CDA: variants seen among roughly 807,000 people sequenced by gnomAD.
CDA encodes cytidine aminohydrolase.
A neutral mutation model predicts 15.0 loss-of-function variants in CDA; 7 were observed. That is an observed-to-expected ratio of 0.47 (90% CI 0.26 to 0.87). The LOEUF is 0.87. Ranked by LOEUF, CDA falls within the 40% of genes least tolerant of loss-of-function variation. CDA has a pLI of 0.15. For synonymous variants in CDA, 58 were observed against 73.0 expected (o/e 0.79, Z 1.05); for missense variants, 159 against 182.7 (o/e 0.87, Z 0.75).
At chr1:20,608,857 T>C (rs909304320) in intron 2 of CDA, among the ~76,000 whole-genome samples, 1 of 152,210 alleles carries the variant, frequency 6.6e-6, no homozygotes, top group African/African-American at 2.4e-5. Flanking sequence ...TCACCTTTCA[T>C]GATCTACAGC....
intron 2 of CDA, among the ~76,000 whole-genome samples, chr1:20,609,371 A>C (rs1039631833): frequency 1.3e-5 from 2 of 152,208 alleles, no homozygotes; most frequent in Admixed American, 6.5e-5. Context: ...CTGTAGTCCC[A>C]GCTACTCAGG....
intron 3 of CDA, among the ~76,000 whole-genome samples, chr1:20,615,766 T>G (rs919205389): frequency 1.3e-5 from 2 of 149,444 alleles, no homozygotes; most frequent in Non-Finnish European, 3.0e-5. Flanking sequence ...TTTGGGAGAC[T>G]GAGGCAGGAG....
chr1:20,609,000 T>C (rs1483975233), intron 2 of CDA, among the ~76,000 whole-genome samples: 1 of 152,226 alleles, frequency 6.6e-6, no homozygotes, highest in Middle Eastern at 3.2e-3. Flanking sequence ...AAGCCATTAC[T>C]GTTAATGCGC....
At chr1:20,594,804 A>G (rs2052578615) in intron 1 of CDA, among the ~76,000 whole-genome samples, 1 of 146,660 alleles carries the variant, frequency 6.8e-6, no homozygotes, top group East Asian at 2.0e-4. Context: ...AAAAAAAAAG[A>G]AAGAAAGATA....
chr1:20,611,351 G>C (rs1468921946), intron 2 of CDA, among the ~76,000 whole-genome samples: 2 of 152,192 alleles, frequency 1.3e-5, no homozygotes, highest in Non-Finnish European at 2.9e-5. Context: ...TGCAGGCTTG[G>C]AATTTTCCAT....
At chr1:20,595,088 C>A (rs2052581628) in intron 1 of CDA, among the ~76,000 whole-genome samples, 1 of 152,202 alleles carries the variant, frequency 6.6e-6, no homozygotes, top group African/African-American at 2.4e-5. Context: ...GCCAACTCTG[C>A]TGGCACAACC....
In CDA at chr1:20,608,486, T is replaced by C. The variant is rs12029060; in HGVS notation, c.266+3447T>C. 1.1e-4 allele frequency among the ~76,000 whole-genome samples: 16 copies of C among 143,324 alleles called. No homozygotes were observed. The East Asian group carries it at 3.2e-3, about 28-fold the overall frequency. 94.0% of individuals were successfully genotyped at this position (143,324 alleles called of 152,430 possible). A position where few individuals can be genotyped will look rare whatever the true frequency, so the allele number is the denominator to read the frequency against. On this transcript the variant is annotated intron_variant, in intron 2 of 3. Coordinates refer to ENST00000375071, the MANE Select transcript of CDA (RefSeq NM_001785.3). ...GTGTAGTGGCAAGATTTCGGCTCAC[T>C]GCAACCTCCGCCTCCCAGGTTCAAG... is the stretch of plus-strand genomic sequence containing the variant.
chr1:20,608,946 G>A (rs904160210), intron 2 of CDA, among the ~76,000 whole-genome samples: 24 of 152,154 alleles, frequency 1.6e-4, no homozygotes, highest in African/African-American at 5.8e-4. Context: ...TCCACTTAAG[G>A]TCCTTAGCAC....
At position 20,618,639 on chromosome 1, in the gene CDA, G is replaced by A. The variant is rs1570389746; in HGVS notation, c.*71G>A. On this transcript the variant is annotated 3_prime_UTR_variant, in exon 4 of 4. Coordinates refer to ENST00000375071, the MANE Select transcript of CDA (RefSeq NM_001785.3). ...CATAAAGATGTCTCACAGCCCTGGG[G>A]ACACCTGCCCAGTGGGCCCCAGCCC... The A allele has an allele frequency of 1.1e-6, 1 of 934,350 alleles. No homozygotes were observed. Among genetic ancestry groups the A allele is most frequent in the Non-Finnish European group, 1.8e-6 (1 of 561,438 alleles). The allele number at this position is 934,350 out of a possible 1,614,324, so 57.9% of individuals were successfully genotyped here.
intron 1 of CDA, among the ~76,000 whole-genome samples, chr1:20,601,099 G>GACCT (rs1050052676): frequency 6.6e-6 from 1 of 152,204 alleles, no homozygotes; most frequent in African/African-American, 2.4e-5. Context: ...ACCGTGGGAA[G>GACCT]ACCTGGAGTG....
intron 1 of CDA, among the ~76,000 whole-genome samples, chr1:20,593,725 C>T (rs767486830): frequency 2.0e-5 from 3 of 152,304 alleles, no homozygotes; most frequent in South Asian, 4.1e-4. Context: ...CAGGTATGTA[C>T]CACCATGCCC....
At chr1:20,599,879 C>A (rs765473717) in intron 1 of CDA, among the ~76,000 whole-genome samples, 2 of 152,158 alleles carry the variant, frequency 1.3e-5, no homozygotes, top group Non-Finnish European at 2.9e-5. Flanking sequence ...TTTATTCTCA[C>A]AACAGGACTA....
intron 1 of CDA, among the ~76,000 whole-genome samples, chr1:20,591,061 C>T (rs544059965): frequency 2.9e-4 from 44 of 152,218 alleles, no homozygotes; most frequent in African/African-American, 8.7e-4. Context: ...CCACAATAGT[C>T]GGGCATGGTG....
chr1:20,617,555 G>A (rs2052825722), intron 3 of CDA, among the ~76,000 whole-genome samples: 1 of 152,050 alleles, frequency 6.6e-6, no homozygotes, highest in South Asian at 2.1e-4. Context: ...TTATAAATGG[G>A]GGTTCCCTCA....
At chr1:20,612,497 C>T (rs537412690) in intron 2 of CDA, among the ~76,000 whole-genome samples, 36 of 152,070 alleles carry the variant, frequency 2.4e-4, no homozygotes, top group Non-Finnish European at 4.6e-4. Context: ...CACCCTGCAC[C>T]GTGTGACCCC....
At chr1:20,603,511 A>C (rs748379202) in intron 1 of CDA, among the ~76,000 whole-genome samples, 6 of 152,198 alleles carry the variant, frequency 3.9e-5, no homozygotes, top group Non-Finnish European at 4.4e-5. Context: ...CCTCCTTACC[A>C]AAAGTATGAT....
At chr1:20,607,947 C>T (rs41467355) in intron 2 of CDA, among the ~76,000 whole-genome samples, 60,650 of 151,950 alleles carry the variant, frequency 0.4, 12,152 homozygotes, top group Middle Eastern at 0.44. Context: ...ACAGATGAGA[C>T]TGCCCCACTG....
intron 2 of CDA, among the ~76,000 whole-genome samples, chr1:20,609,222 T>C (rs1269814115): frequency 6.6e-6 from 1 of 152,186 alleles, no homozygotes. Context: ...CAGTGGCTCA[T>C]GCCTATAATC....
At position 20,618,759 on chromosome 1, in the gene CDA, G is replaced by C. The variant is rs113912248; in HGVS notation, c.*191G>C. ...CTGCCTTGGGACTTAGAACACCGCC[G>C]CCCCCTGCCCCACCTTTCCTTTCCT... On this transcript the variant is annotated 3_prime_UTR_variant, in exon 4 of 4. Transcript: ENST00000375071. 4 of 585,820 alleles carry C rather than the reference G, an allele frequency of 6.8e-6. No homozygotes were observed. Among genetic ancestry groups the C allele is most frequent in the Non-Finnish European group, 1.2e-5 (4 of 321,060 alleles). The allele number at this position is 585,820 out of a possible 1,614,324, so 36.3% of individuals were successfully genotyped here.
Sources: allele counts gnomAD v4.1 joint callset (sites outside exome capture counted in the v4.1 genomes callset), GRCh38; gene constraint gnomAD v4.1.1; transcripts MANE v1.5; gene names NCBI Gene and HGNC (gene_info 2026-07-23, HGNC 2026-07-21).